MACROD2: variants seen among roughly 807,000 people sequenced by gnomAD.
MACROD2 encodes the protein mono-ADP ribosylhydrolase 2, also known as ADP-ribose glycohydrolase MACROD2.
Under a neutral mutation model 70.4 loss-of-function variants are expected in MACROD2, and 36 were observed. That is an observed-to-expected ratio of 0.51 (90% CI 0.39 to 0.68). The LOEUF is 0.68. Among genes scored for constraint, MACROD2 ranks in the 30% least tolerant of loss-of-function variants. MACROD2 has a pLI of 0.00. For synonymous variants in MACROD2, 172 were observed against 178.8 expected (o/e 0.96, Z 0.30); for missense variants, 496 against 538.4 (o/e 0.92, Z 0.78).
chr20:14,016,088 A>G (rs1205355438), intron 2 of MACROD2, among the ~76,000 whole-genome samples: 1 of 152,222 alleles, frequency 6.6e-6, no homozygotes, highest in Non-Finnish European at 1.5e-5. Flanking sequence ...TCCAACCGCC[A>G]GTGCTATTCC....
At chr20:15,827,931 A>G (rs2064014944) in intron 8 of MACROD2, among the ~76,000 whole-genome samples, 2 of 152,206 alleles carry the variant, frequency 1.3e-5, no homozygotes, top group Non-Finnish European at 2.9e-5. Context: ...TTTCAGCTGG[A>G]TGGTCCAGCT....
At chr20:16,044,487 A>G in intron 16 of MACROD2, 84 bp from the exon 17 acceptor site, 6 of 1,126,980 alleles carry the variant, frequency 5.3e-6, no homozygotes, top group Non-Finnish European at 7.7e-6. Context: ...AAATCAGGAA[A>G]GTATCAAATC....
intron 3 of MACROD2, among the ~76,000 whole-genome samples, chr20:14,298,338 C>T (rs539916812): frequency 5.3e-5 from 8 of 151,618 alleles, no homozygotes; most frequent in Non-Finnish European, 1.0e-4. Context: ...GAGGCTGAGG[C>T]GGCTGGATCA....
intron 3 of MACROD2, among the ~76,000 whole-genome samples, chr20:14,233,529 A>AT (rs1491115173): frequency 2.1e-4 from 2 of 9,468 alleles, no homozygotes; most frequent in Non-Finnish European, 2.2e-3. Flanking sequence ...CGTCTCTACT[A>AT]AAAAAAAAAA....
intron 12 of MACROD2, among the ~76,000 whole-genome samples, chr20:15,952,524 T>A (rs1441098931): frequency 6.6e-6 from 1 of 152,126 alleles, no homozygotes; most frequent in Non-Finnish European, 1.5e-5. Flanking sequence ...CCACCTGATT[T>A]ATCATCTAAT....
intron 6 of MACROD2, among the ~76,000 whole-genome samples, chr20:15,316,547 G>A (rs1159060495): frequency 6.6e-6 from 1 of 152,066 alleles, no homozygotes; most frequent in Admixed American, 6.6e-5. Flanking sequence ...AAGATATGAA[G>A]CAAACACTGA....
intron 5 of MACROD2, among the ~76,000 whole-genome samples, chr20:15,152,453 G>GCA (rs764917417): frequency 3.3e-4 from 9 of 26,974 alleles, no homozygotes; most frequent in African/African-American, 6.5e-4. Context: ...TAAGAGGTTG[G>GCA]GGGCGTGGAA....
intron 3 of MACROD2, among the ~76,000 whole-genome samples, chr20:14,147,589 A>G (rs2148709330): frequency 1.3e-5 from 2 of 152,352 alleles, no homozygotes; most frequent in South Asian, 4.1e-4. Flanking sequence ...AATAGTGGGA[A>G]GACCCGACAG....
chr20:15,278,209 A>C (rs374718329), intron 6 of MACROD2, among the ~76,000 whole-genome samples: 1 of 152,176 alleles, frequency 6.6e-6, no homozygotes, highest in East Asian at 1.9e-4. Flanking sequence ...TTTGCCCCTG[A>C]GTCATACCCA....
rs538945073 is a variant in MACROD2 at position 15,899,274 on chromosome 20, A to G, written c.775+13463A>G. On this transcript the variant is annotated intron_variant, in intron 10 of 17. Coordinates refer to ENST00000684519, the MANE Select transcript of MACROD2 (RefSeq NM_001351661.2). Reference sequence around the variant, plus strand: ...TACACACGTGTATATATGTATCTTTACATACATACAGATATATACACATAT... The same window carrying G: ...TACACACGTGTATATATGTATCTTTGCATACATACAGATATATACACATAT... 2.6e-5 allele frequency among the ~76,000 whole-genome samples: 4 copies of G among 152,218 alleles called. No homozygotes were observed. In the East Asian group the frequency reaches 7.7e-4, roughly 29 times the overall value.
At chr20:14,856,060 C>T (rs6079582) in intron 5 of MACROD2, among the ~76,000 whole-genome samples, 50,182 of 151,816 alleles carry the variant, frequency 0.33, 9,175 homozygotes, top group Non-Finnish European at 0.41. Context: ...TATCAAGATC[C>T]ATTATATTAC....
At chr20:15,666,930 A>G (rs887731610) in intron 8 of MACROD2, among the ~76,000 whole-genome samples, 1 of 152,260 alleles carries the variant, frequency 6.6e-6, no homozygotes, top group Non-Finnish European at 1.5e-5. Flanking sequence ...TTGAAGAAAT[A>G]GTGCAGTGAA....
At chr20:15,604,616 C>G (rs984392698) in intron 8 of MACROD2, among the ~76,000 whole-genome samples, 1 of 152,192 alleles carries the variant, frequency 6.6e-6, no homozygotes, top group Non-Finnish European at 1.5e-5. Context: ...TGTATACCAC[C>G]TCTCAGAGTC....
At chr20:14,787,051 C>T in intron 5 of MACROD2, among the ~76,000 whole-genome samples, 1 of 152,052 alleles carries the variant, frequency 6.6e-6, no homozygotes, top group East Asian at 1.9e-4. Flanking sequence ...ATTCACCAGC[C>T]ATAAGCTATA....
At chr20:14,787,362 ATC>A (rs1600663781) in intron 5 of MACROD2, among the ~76,000 whole-genome samples, 1 of 152,174 alleles carries the variant, frequency 6.6e-6, no homozygotes, top group East Asian at 1.9e-4. Context: ...AGAAAAGAAC[ATC>A]TGTCATTGTT....
At chr20:14,629,663 C>A (rs1421047208) in intron 4 of MACROD2, among the ~76,000 whole-genome samples, 2 of 152,138 alleles carry the variant, frequency 1.3e-5, no homozygotes, top group Non-Finnish European at 2.9e-5. Flanking sequence ...TTCCCTGACT[C>A]CTTCTCTCCA....
chr20:15,135,368 G>A (rs1003416499), intron 5 of MACROD2, among the ~76,000 whole-genome samples: 25 of 151,790 alleles, frequency 1.6e-4, no homozygotes, highest in African/African-American at 6.1e-4. Context: ...TATCCACCAT[G>A]ATCAAGTGGG....
At chr20:14,942,827 C>T (rs2074401585) in intron 5 of MACROD2, among the ~76,000 whole-genome samples, 2 of 152,196 alleles carry the variant, frequency 1.3e-5, no homozygotes, top group South Asian at 4.1e-4. Flanking sequence ...TTTCTGAATA[C>T]TCAAGTGCCT....
intron 3 of MACROD2, 141 bp from the exon 4 acceptor site, chr20:14,493,338 T>C (rs2084815491): frequency 5.7e-6 from 3 of 527,048 alleles, no homozygotes; most frequent in Non-Finnish European, 9.8e-6. Flanking sequence ...ACAGGCTGTC[T>C]TTAAATGAAA....
Sources: allele counts gnomAD v4.1 joint callset (sites outside exome capture counted in the v4.1 genomes callset), GRCh38; gene constraint gnomAD v4.1.1; transcripts MANE v1.5; gene names NCBI Gene and HGNC (gene_info 2026-07-23, HGNC 2026-07-21).